PSMD4: variants seen among roughly 807,000 people sequenced by gnomAD.
PSMD4 encodes proteasome 26S subunit ubiquitin receptor, non-ATPase 4.
In PSMD4, 5 loss-of-function variants were observed where a neutral mutation model predicts 39.7. That is an observed-to-expected ratio of 0.13 (90% CI 0.07 to 0.26). The LOEUF (loss-of-function observed/expected upper bound fraction) is 0.26. PSMD4 is among the 10% of genes least tolerant of loss of function. The pLI, the probability that PSMD4 is intolerant of heterozygous loss-of-function variation, is 1.00. For missense variants in PSMD4, 272 were observed against 486.1 expected (o/e 0.56, Z 4.14); for synonymous variants, 143 against 174.6 (o/e 0.82, Z 1.43).
intron 1 of PSMD4, among the ~76,000 whole-genome samples, chr1:151,255,649 CT>C (rs1351130999): frequency 6.6e-6 from 1 of 151,984 alleles, no homozygotes; most frequent in Admixed American, 6.6e-5. Flanking sequence ...GAGATTTCTT[CT>C]TTTTATTTTC....
intron 3 of PSMD4, among the ~76,000 whole-genome samples, 166 bp from the exon 4 acceptor site, chr1:151,264,666 C>T (rs1453228492): frequency 1.3e-5 from 2 of 151,264 alleles, no homozygotes; most frequent in Non-Finnish European, 2.9e-5. Context: ...CACAGAGAGT[C>T]ATAGCAAAAA....
intron 1 of PSMD4, among the ~76,000 whole-genome samples, chr1:151,256,045 C>T (rs1056993298): frequency 7.3e-6 from 1 of 137,458 alleles, no homozygotes; most frequent in Non-Finnish European, 1.6e-5. Flanking sequence ...GTATGTATAT[C>T]GTCTTTTGAA....
At chr1:151,255,557 G>A (rs1693145734) in intron 1 of PSMD4, among the ~76,000 whole-genome samples, 1 of 152,106 alleles carries the variant, frequency 6.6e-6, no homozygotes, top group Admixed American at 6.6e-5. Context: ...GGTTTCAAGA[G>A]TTCCTTCTAA....
At position 151,254,804 on chromosome 1, in the gene PSMD4, G is replaced by T. The variant is rs747619160; in HGVS notation, c.22G>T (p.Val8Leu). The T allele has an allele frequency of 6.5e-7, 1 of 1,542,446 alleles. No homozygotes were observed. Among genetic ancestry groups the T allele is most frequent in the East Asian group, 2.6e-5 (1 of 38,888 alleles). Residue 8 changes from valine (V) to leucine (L), a missense_variant, in exon 1 of 10, where the codon GTG becomes TTG. By Grantham distance (32) the Val-to-Leu change is conservative (BLOSUM62 1). Around this residue, in one of 3 missense-constraint regions of PSMD4, gnomAD observed 153 missense variants for 257.6 expected, o/e 0.59. Transcript: ENST00000368884. ...CAAGATGGTGTTGGAAAGCACTATG[G>T]TGTGGTGAGGAGCTACTTCGGGGCA... MVLESTM[V>L]CVDNSEYMRN...
chr1:151,263,473 A>G (rs1299168873), intron 2 of PSMD4, among the ~76,000 whole-genome samples: 8 of 148,520 alleles, frequency 5.4e-5, no homozygotes, highest in Non-Finnish European at 4.5e-5. Context: ...AAAAAATAAA[A>G]AAGAAGAATA....
At chr1:151,263,112 A>C (rs1301414976) in intron 2 of PSMD4, among the ~76,000 whole-genome samples, 1 of 152,196 alleles carries the variant, frequency 6.6e-6, no homozygotes, top group Non-Finnish European at 1.5e-5. Flanking sequence ...CTTTCTTACA[A>C]AGCCAGCCAC....
intron 3 of PSMD4, among the ~76,000 whole-genome samples, chr1:151,264,301 T>G (rs1693378603): frequency 6.7e-6 from 1 of 149,362 alleles, no homozygotes; most frequent in Non-Finnish European, 1.5e-5. Flanking sequence ...GGCTAGCAGT[T>G]CAAGACCAGC....
Position 151,267,466 on chromosome 1 carries a change from T to G in PSMD4, c.*123T>G. 8.6e-7 allele frequency: 1 copy of G among 1,161,908 alleles called. No homozygotes were observed. Among genetic ancestry groups the G allele is most frequent in the Non-Finnish European group, 1.2e-6 (1 of 827,742 alleles). The allele number at this position is 1,161,908 out of a possible 1,614,324, so 72.0% of individuals were successfully genotyped here. ...AATAAAGCTTGGCAACTTTTTTTCC[T>G]TTTTTGCTTCAAATATTGATGGTTT... On this transcript the variant is annotated 3_prime_UTR_variant, in exon 10 of 10. Transcript: ENST00000368884.
intron 1 of PSMD4, among the ~76,000 whole-genome samples, chr1:151,259,992 A>G (rs1385399106): frequency 6.6e-6 from 1 of 152,082 alleles, no homozygotes; most frequent in Non-Finnish European, 1.5e-5. Flanking sequence ...TGAGGTTGGG[A>G]GTTTGAGACC....
At position 151,265,169 on chromosome 1, in the gene PSMD4, G is replaced by A. The variant is rs1160044490; in HGVS notation, c.373G>A (p.Val125Met). 6.2e-7 allele frequency: 1 copy of A among 1,611,068 alleles called. No individual in the cohort carries two copies. The highest frequency in any genetic ancestry group is 8.5e-7 in the Non-Finnish European group (1 of 1,179,030). The change falls in exon 5 of 10, where the codon GTG becomes ATG. Residue 125 changes from valine to methionine, a missense_variant. Physicochemically the swap from Val to Met is conservative, Grantham distance 21. Coordinates refer to ENST00000368884, the MANE Select transcript of PSMD4 (RefSeq NM_002810.4). ...ATTTTTCTCCCCTTCTTCCCAGCTG[G>A]TGAAACTGGCTAAACGCCTCAAGAA... Reference protein sequence around the residue: ...SPVEDNEKDLVKLAKRLKKEK... With the variant: ...SPVEDNEKDLMKLAKRLKKEK...
At chr1:151,261,077 C>A (rs1201635934) in intron 1 of PSMD4, among the ~76,000 whole-genome samples, 1 of 151,580 alleles carries the variant, frequency 6.6e-6, no homozygotes, top group Non-Finnish European at 1.5e-5. Flanking sequence ...TAACTCCTGA[C>A]TTCAGGTGAT....
intron 1 of PSMD4, among the ~76,000 whole-genome samples, chr1:151,255,601 C>G (rs1364802700): frequency 1.3e-5 from 2 of 151,500 alleles, no homozygotes; most frequent in Admixed American, 6.6e-5. Context: ...GAATAGTTGA[C>G]GAACACAAAT....
At position 151,261,879 on chromosome 1, in the gene PSMD4, C is replaced by T. The variant is rs144063460; in HGVS notation, c.27-282C>T. On this transcript the variant is annotated intron_variant, in intron 1 of 9. Coordinates refer to ENST00000368884, the MANE Select transcript of PSMD4 (RefSeq NM_002810.4). ...CTGAGGTGAGAGGATCACTTGAGCCCAGGAGGTGGAAGCTGCAGTGAGCCA... is the reference window on the plus strand; with the variant it reads ...CTGAGGTGAGAGGATCACTTGAGCCTAGGAGGTGGAAGCTGCAGTGAGCCA... 4.3e-3 allele frequency among the ~76,000 whole-genome samples: 642 copies of T among 148,494 alleles called. 2 individuals carry two copies. Among genetic ancestry groups the T allele is most frequent in the Non-Finnish European group, 5.9e-3 (400 of 67,710 alleles).
chr1:151,256,622 A>G (rs1411046336), intron 1 of PSMD4, among the ~76,000 whole-genome samples: 2 of 147,308 alleles, frequency 1.4e-5, no homozygotes, highest in Non-Finnish European at 3.0e-5. Context: ...TTTTTGGTAG[A>G]GACGGGGTTT....
rs1035940931 is a variant in PSMD4 at position 151,262,477 on chromosome 1, C to T, written c.167+176C>T. Reference sequence around the variant, plus strand: ...GTATTAACCTGTATTTAATGTAGTACGGAAGCTAAATCTCCTGGGGTGAAA... The same window carrying T: ...GTATTAACCTGTATTTAATGTAGTATGGAAGCTAAATCTCCTGGGGTGAAA... On this transcript the variant is annotated intron_variant, in intron 2 of 9. Transcript: ENST00000368884. 24 of 717,508 alleles carry T rather than the reference C, an allele frequency of 3.3e-5. No homozygotes were observed. The East Asian group carries it at 3.6e-4, about 11-fold the overall frequency. The allele number at this position is 717,508 out of a possible 1,614,324, so 44.4% of individuals were successfully genotyped here. A position where few individuals can be genotyped will look rare whatever the true frequency, so the allele number is the denominator to read the frequency against.
At chr1:151,266,232 G>C in intron 7 of PSMD4, 76 bp from the exon 8 acceptor site, 2 of 1,604,856 alleles carry the variant, frequency 1.2e-6, no homozygotes, top group South Asian at 2.2e-5. Flanking sequence ...GGAGGGCTGG[G>C]CTAGGAATGG....
intron 1 of PSMD4, among the ~76,000 whole-genome samples, chr1:151,260,848 A>ATTTTT (rs111878731): frequency 7.3e-6 from 1 of 136,460 alleles, no homozygotes; most frequent in Non-Finnish European, 1.6e-5. Flanking sequence ...TATTTTATAG[A>ATTTTT]TTTTTTTTTT....
intron 4 of PSMD4, 123 bp downstream of exon 4, chr1:151,265,041 A>G: frequency 1.5e-6 from 2 of 1,300,604 alleles, no homozygotes; most frequent in East Asian, 2.5e-5. Flanking sequence ...GAATGTGGAG[A>G]ATTCAGTGAT....
Position 151,266,721 on chromosome 1 carries a change from A to G in PSMD4, c.963+134A>G, listed in dbSNP as rs370594229. On this transcript the variant is annotated intron_variant, in intron 9 of 9. Coordinates refer to ENST00000368884, the MANE Select transcript of PSMD4 (RefSeq NM_002810.4). ...GGAAACACATGGATTTGCATTTCTT[A>G]CATGTAAACCTTGCTAAGGTAGCAA... 169 of 1,095,196 alleles carry G rather than the reference A, an allele frequency of 1.5e-4. No individual in the cohort carries two copies. In the African/African-American group the frequency reaches 2.5e-3, roughly 16 times the overall value. The allele number at this position is 1,095,196 out of a possible 1,614,324, so 67.8% of individuals were successfully genotyped here.
Sources: allele counts gnomAD v4.1 joint callset (sites outside exome capture counted in the v4.1 genomes callset), GRCh38; gene constraint gnomAD v4.1.1; regional missense constraint gnomAD v4.1.1; transcripts MANE v1.5; gene names NCBI Gene and HGNC (gene_info 2026-07-23, HGNC 2026-07-21).